The following ZBBX variants were observed in gnomAD, a reference collection of about 807,000 sequenced individuals.
The protein encoded by ZBBX is zinc finger B-box domain containing, also known as zinc finger B-box domain-containing protein 1.
In ZBBX, 101 loss-of-function variants were observed where a neutral mutation model predicts 108.5. The ratio of observed to expected loss-of-function variants is 0.93; its 90% CI spans 0.79 to 1.10. The LOEUF is 1.10. ZBBX is among the 50% of genes least tolerant of loss of function. The pLI is 0.00. For synonymous variants in ZBBX, 356 were observed against 323.4 expected, an observed-to-expected ratio of 1.10 and a Z score of -1.08; for missense variants, 1,009 against 941.4, an observed-to-expected ratio of 1.07 and a Z score of -0.94.
the ZBBX span, among the ~76,000 whole-genome samples, chr3:167,212,491 C>T: frequency 2.0e-5 from 3 of 152,196 alleles, no homozygotes; most frequent in East Asian, 3.9e-4. Context: ...ACAGCTCCAA[C>T]AAGCTGCAGT....
At chr3:167,209,541 G>T in the ZBBX span, among the ~76,000 whole-genome samples, 1 of 152,148 alleles carries the variant, frequency 6.6e-6, no homozygotes, top group Non-Finnish European at 1.5e-5. Context: ...AGATATAGTT[G>T]CAATGACTAA....
chr3:167,261,103 C>A (rs976426611), intron 20 of ZBBX, among the ~76,000 whole-genome samples: 4 of 152,098 alleles, frequency 2.6e-5, no homozygotes, highest in African/African-American at 9.7e-5. Flanking sequence ...GTCTCTCTTC[C>A]GGGTCTAGCC....
At chr3:167,301,954 TA>T (rs71176635) in intron 17 of ZBBX, among the ~76,000 whole-genome samples, 12,859 of 92,048 alleles carry the variant, frequency 0.14, 578 homozygotes, top group Admixed American at 0.16. Flanking sequence ...AAGACTCCGT[TA>T]AAAAAAAAAA....
intron 17 of ZBBX, among the ~76,000 whole-genome samples, chr3:167,303,064 G>C (rs1576940998): frequency 6.6e-6 from 1 of 152,104 alleles, no homozygotes; most frequent in Non-Finnish European, 1.5e-5. Context: ...CAGTGGTTTT[G>C]CTCAAAAGAT....
At chr3:167,288,223 T>A (rs1483474462) in intron 19 of ZBBX, among the ~76,000 whole-genome samples, 1 of 152,192 alleles carries the variant, frequency 6.6e-6, no homozygotes, top group Non-Finnish European at 1.5e-5. Context: ...AACAGTAATG[T>A]CCTAATAATA....
chr3:167,229,568 C>G, the ZBBX span, among the ~76,000 whole-genome samples: 1 of 151,858 alleles, frequency 6.6e-6, no homozygotes, highest in East Asian at 1.9e-4. Context: ...AGGCATACTT[C>G]GGAAATATGA....
At chr3:167,253,055 T>A (rs1722883883) in intron 20 of ZBBX, among the ~76,000 whole-genome samples, 1 of 152,178 alleles carries the variant, frequency 6.6e-6, no homozygotes, top group East Asian at 1.9e-4. Context: ...GGTAAATGAA[T>A]GATGGGTAAA....
At chr3:167,347,141 T>C (rs1323843028) in intron 9 of ZBBX, among the ~76,000 whole-genome samples, 1 of 151,978 alleles carries the variant, frequency 6.6e-6, no homozygotes, top group Non-Finnish European at 1.5e-5. Flanking sequence ...TTCACTGTGC[T>C]CTATTTACAG....
At chr3:167,195,826 G>A in the ZBBX span, among the ~76,000 whole-genome samples, 906 of 152,248 alleles carry the variant, frequency 6.0e-3, 4 homozygotes, top group Middle Eastern at 0.014. Context: ...ATCAAAAACT[G>A]TCACAAGAGT....
chr3:167,296,280 C>A (rs1036229908), intron 18 of ZBBX, among the ~76,000 whole-genome samples: 3 of 151,988 alleles, frequency 2.0e-5, no homozygotes, highest in Admixed American at 6.6e-5. Flanking sequence ...ATGCTAATAA[C>A]CCACAGCAAA....
intron 19 of ZBBX, among the ~76,000 whole-genome samples, chr3:167,285,605 T>C (rs1031608588): frequency 4.6e-5 from 7 of 152,188 alleles, no homozygotes; most frequent in Admixed American, 3.9e-4. Context: ...AAACAGCTTA[T>C]GACCTGTGAA....
chr3:167,321,949 T>C (rs1345561704), intron 12 of ZBBX, among the ~76,000 whole-genome samples, 168 bp downstream of exon 12: 1 of 152,022 alleles, frequency 6.6e-6, no homozygotes, highest in African/African-American at 2.4e-5. Flanking sequence ...TAAATAGAAT[T>C]AAAATTCTTA....
At chr3:167,402,676 A>C (rs1470255900) in intron 1 of ZBBX, among the ~76,000 whole-genome samples, 1 of 152,130 alleles carries the variant, frequency 6.6e-6, no homozygotes, top group African/African-American at 2.4e-5. Flanking sequence ...ATCTATCTTC[A>C]ATAGGAAAAT....
At chr3:167,215,376 T>C in the ZBBX span, among the ~76,000 whole-genome samples, 1 of 152,040 alleles carries the variant, frequency 6.6e-6, no homozygotes, top group Non-Finnish European at 1.5e-5. Flanking sequence ...CTAGAAAACG[T>C]AGAAGTTATG....
intron 20 of ZBBX, among the ~76,000 whole-genome samples, chr3:167,243,686 T>A (rs1389177662): frequency 6.8e-6 from 1 of 147,764 alleles, no homozygotes; most frequent in Non-Finnish European, 1.5e-5. Flanking sequence ...GAGGACCAAA[T>A]AAACCTCCTC....
In ZBBX at chr3:167,301,954, T is replaced by TAAAA. The variant is rs71176635; in HGVS notation, c.1726-3500_1726-3497dup. 1.4e-3 allele frequency among the ~76,000 whole-genome samples: 128 copies of TAAAA among 92,132 alleles called. 1 individual carries two copies. Among genetic ancestry groups the TAAAA allele is most frequent in the African/African-American group, 4.3e-3 (109 of 25,436 alleles). The allele number at this position is 92,132 out of a possible 152,430, so 60.4% of individuals were successfully genotyped here. A position where few individuals can be genotyped will look rare whatever the true frequency, so the allele number is the denominator to read the frequency against. The stretch of plus-strand genomic sequence containing the variant: ...CCTGGGCAACAGAGCAAGACTCCGT[T>TAAAA]AAAAAAAAAAAAAAAAAAAAAAAAA... On this transcript the variant is annotated intron_variant, in intron 17 of 21. Coordinates refer to ENST00000675490, the MANE Select transcript of ZBBX (RefSeq NM_001199201.2).
the ZBBX span, among the ~76,000 whole-genome samples, chr3:167,182,489 TCTC>T: frequency 6.6e-6 from 1 of 152,202 alleles, no homozygotes; most frequent in Non-Finnish European, 1.5e-5. Flanking sequence ...AGGGTATTGC[TCTC>T]CTCCTGAAGC....
intron 14 of ZBBX, among the ~76,000 whole-genome samples, chr3:167,316,118 G>T (rs961222255): frequency 6.6e-6 from 1 of 152,070 alleles, no homozygotes; most frequent in Non-Finnish European, 1.5e-5. Flanking sequence ...CTAGGAAGTT[G>T]TCAGTTCTCT....
intron 10 of ZBBX, among the ~76,000 whole-genome samples, chr3:167,329,404 T>C (rs1737999019): frequency 6.6e-6 from 1 of 152,184 alleles, no homozygotes; most frequent in Non-Finnish European, 1.5e-5. Context: ...CAGGGTATAT[T>C]GTTAAAGACG....
Sources: allele counts gnomAD v4.1 joint callset (sites outside exome capture counted in the v4.1 genomes callset), GRCh38; gene constraint gnomAD v4.1.1; transcripts MANE v1.5; gene names NCBI Gene and HGNC (gene_info 2026-07-23, HGNC 2026-07-21).